The following TBC1D4 variants were observed in gnomAD, a reference collection of about 807,000 sequenced individuals.
TBC1D4 encodes TBC (Tre-2, BUB2, CDC16) domain-containing protein.
TBC1D4 carries 121 observed loss-of-function variants against 142.5 expected under a neutral mutation model. The ratio of observed to expected loss-of-function variants is 0.85; its 90% CI spans 0.73 to 0.99. TBC1D4 has a LOEUF of 0.99. Ranked by LOEUF, TBC1D4 falls within the 50% of genes least tolerant of loss-of-function variation. The probability of loss-of-function intolerance (pLI) is 0.00; values close to 1 mark genes in which losing one functional copy is unlikely to be tolerated. For synonymous variants in TBC1D4, 630 were observed against 628.2 expected, an observed-to-expected ratio of 1.00 and a Z score of -0.04; for missense variants, 1,475 against 1,606.6, an observed-to-expected ratio of 0.92 and a Z score of 1.40.
intron 5 of TBC1D4, among the ~76,000 whole-genome samples, chr13:75,344,936 T>C (rs964674139): frequency 5.3e-5 from 8 of 152,214 alleles, no homozygotes; most frequent in South Asian, 2.1e-4. Context: ...TGATCCTTCT[T>C]CCAGCTTTGT....
At chr13:75,298,711 C>G (rs1212612183) in intron 17 of TBC1D4, among the ~76,000 whole-genome samples, 1 of 152,114 alleles carries the variant, frequency 6.6e-6, no homozygotes, top group Non-Finnish European at 1.5e-5. Flanking sequence ...CGAGATCGTG[C>G]CACTGCACTC....
At position 75,294,987 on chromosome 13, in the gene TBC1D4, G is replaced by A. The variant is rs1875751555; in HGVS notation, c.3183C>T (p.Leu1061=). ...LQIQMYQLSR[L]LHDYHRDLYN... Reference sequence around the variant, plus strand: ...AGAGATCTCTGTGATAGTCATGAAGGAGCCTGGACAGCTGGTACATTTGAA... The same window carrying A: ...AGAGATCTCTGTGATAGTCATGAAGAAGCCTGGACAGCTGGTACATTTGAA... The change falls in exon 18 of 21, where the codon CTC becomes CTT. Residue 1061 remains leucine, a synonymous_variant. Coordinates refer to ENST00000377636, the MANE Select transcript of TBC1D4 (RefSeq NM_014832.5). The A allele has an allele frequency of 1.9e-6, 3 of 1,613,672 alleles. No homozygotes were observed. The highest frequency in any genetic ancestry group is 1.7e-5 in the Admixed American group (1 of 59,976).
chr13:75,478,247 G>A (rs1257890841), intron 1 of TBC1D4, among the ~76,000 whole-genome samples: 2 of 152,142 alleles, frequency 1.3e-5, no homozygotes, highest in Admixed American at 1.3e-4. Flanking sequence ...TTGCCATGGT[G>A]ACCATATATC....
In TBC1D4 at chr13:75,382,954, T is replaced by C. The variant is rs9593068; in HGVS notation, c.499-20347A>G. Among the ~76,000 whole-genome samples the C allele has an allele frequency of 3.6e-3, 549 of 152,358 alleles. 8 individuals carry two copies. The highest frequency in any genetic ancestry group is 0.011 in the African/African-American group (474 of 41,578). On this transcript the variant is annotated intron_variant, in intron 1 of 20. Coordinates refer to ENST00000377636, the MANE Select transcript of TBC1D4 (RefSeq NM_014832.5). ...ACATGAACCTCACATTATATTTTAA[T>C]TGGACAGCACTGCATTAGAATTCTA...
chr13:75,283,863 A>T lies in TBC1D4; in HGVS notation c.*2929T>A, dbSNP rs1874470063. ...ATTTGTGTAGCAATTTTAAGTAGGT[A>T]CAATCCAAACCATGCAGATCTTTTT... On this transcript the variant is annotated 3_prime_UTR_variant, in exon 21 of 21. Transcript: ENST00000377636. 2.0e-5 allele frequency among the ~76,000 whole-genome samples: 3 copies of T among 152,168 alleles called. No homozygotes were observed. The highest frequency in any genetic ancestry group is 7.2e-5 in the African/African-American group (3 of 41,454).
At chr13:75,447,785 G>A (rs1002928784) in intron 1 of TBC1D4, among the ~76,000 whole-genome samples, 4 of 151,912 alleles carry the variant, frequency 2.6e-5, no homozygotes, top group African/African-American at 7.3e-5. Flanking sequence ...TCTCATAGCA[G>A]CAAGAACCCT....
chr13:75,309,996 T>C lies in TBC1D4; in HGVS notation c.2539A>G (p.Ile847Val), dbSNP rs778677297. 35 of 1,614,186 alleles carry C rather than the reference T, an allele frequency of 2.2e-5. No individual in the cohort carries two copies. The highest frequency in any genetic ancestry group is 1.4e-4 in the South Asian group (13 of 91,084). ...CGAAGTAACAAGATTTGTTGGTGTA[T>C]AGCTTTTCTCCACAAGCTCCTCAGT... ...KELRSLWRKA[I>V]HQQILLLRME... Residue 847 changes from isoleucine to valine, a missense_variant, in exon 14 of 21, where the codon ATA becomes GTA. This residue lies in a region of TBC1D4 where 1,227 missense variants were observed against 1,267.7 expected (regional missense o/e 0.97). Coordinates refer to ENST00000377636, the MANE Select transcript of TBC1D4 (RefSeq NM_014832.5).
intron 12 of TBC1D4, among the ~76,000 whole-genome samples, chr13:75,318,479 C>G (rs1175419968): frequency 6.6e-6 from 1 of 152,082 alleles, no homozygotes; most frequent in Non-Finnish European, 1.5e-5. Flanking sequence ...ACTATTGAAC[C>G]GAAAGCTGAA....
intron 8 of TBC1D4, among the ~76,000 whole-genome samples, chr13:75,333,809 A>G (rs950270388): frequency 2.0e-5 from 3 of 152,210 alleles, no homozygotes; most frequent in African/African-American, 4.8e-5. Flanking sequence ...AGGGTCCTTC[A>G]GTCTGGAGTT....
intron 3 of TBC1D4, among the ~76,000 whole-genome samples, chr13:75,359,424 C>T (rs1295909240): frequency 6.6e-6 from 1 of 152,156 alleles, no homozygotes; most frequent in African/African-American, 2.4e-5. Flanking sequence ...CCCACAAGTC[C>T]CACAGGCCAA....
At chr13:75,391,761 C>T (rs1884506437) in intron 1 of TBC1D4, among the ~76,000 whole-genome samples, 1 of 152,176 alleles carries the variant, frequency 6.6e-6, no homozygotes, top group Admixed American at 6.5e-5. Context: ...TGCCCTACTC[C>T]CTCTCTGAGC....
chr13:75,305,122 G>A (rs537775399), intron 15 of TBC1D4, among the ~76,000 whole-genome samples: 1 of 152,126 alleles, frequency 6.6e-6, no homozygotes, highest in Non-Finnish European at 1.5e-5. Context: ...GCTTGTTAAG[G>A]AGAAACCCCT....
At chr13:75,401,335 T>G (rs954348028) in intron 1 of TBC1D4, among the ~76,000 whole-genome samples, 1 of 152,176 alleles carries the variant, frequency 6.6e-6, no homozygotes, top group Non-Finnish European at 1.5e-5. Context: ...GATTGCACAG[T>G]GGTGGTGAAT....
intron 1 of TBC1D4, among the ~76,000 whole-genome samples, chr13:75,392,871 C>T (rs1313421690): frequency 1.3e-5 from 2 of 152,066 alleles, no homozygotes; most frequent in Admixed American, 1.3e-4. Context: ...AACTCCTAGC[C>T]TTAAGTGATC....
chr13:75,362,014 G>A lies in TBC1D4; in HGVS notation c.1080+12C>T. On this transcript the variant is annotated intron_variant, in intron 2 of 20. Transcript: ENST00000377636. The surrounding 1 kb of genome is among the most constrained non-coding windows in gnomAD (Gnocchi z 4.2). Reference sequence around the variant, plus strand: ...TTTGGGGCAAGGGCAGACAGCGTCCGATCAGGTGTACCTGGAAGAGCATGG... The same window carrying A: ...TTTGGGGCAAGGGCAGACAGCGTCCAATCAGGTGTACCTGGAAGAGCATGG... 3.1e-6 allele frequency: 5 copies of A among 1,614,052 alleles called. No individual in the cohort carries two copies. Among genetic ancestry groups the A allele is most frequent in the Non-Finnish European group, 4.2e-6 (5 of 1,179,984 alleles).
intron 1 of TBC1D4, among the ~76,000 whole-genome samples, chr13:75,368,990 G>A (rs1479720293): frequency 6.6e-6 from 1 of 151,788 alleles, no homozygotes; most frequent in Non-Finnish European, 1.5e-5. Context: ...GTTGCAGTGA[G>A]CAGAGATTGC....
intron 1 of TBC1D4, among the ~76,000 whole-genome samples, chr13:75,473,692 T>C (rs1417136046): frequency 1.3e-5 from 2 of 152,186 alleles, no homozygotes; most frequent in African/African-American, 4.8e-5. Context: ...GAAGTGAAAC[T>C]TGGAAGAGAT....
In TBC1D4 at chr13:75,367,376, G is replaced by A. The variant is rs529014081; in HGVS notation, c.499-4769C>T. Among the ~76,000 whole-genome samples, 5 of 152,058 alleles carry A rather than the reference G, an allele frequency of 3.3e-5. No individual in the cohort carries two copies. In the South Asian group the frequency reaches 6.2e-4, roughly 19 times the overall value. Reference sequence around the variant, plus strand: ...ATAAATGTTTAAAAATAGATATGACGGATATCAGCGTGAGAATAAGCTTCC... The same window carrying A: ...ATAAATGTTTAAAAATAGATATGACAGATATCAGCGTGAGAATAAGCTTCC... On this transcript the variant is annotated intron_variant, in intron 1 of 20. Transcript: ENST00000377636.
intron 19 of TBC1D4, among the ~76,000 whole-genome samples, chr13:75,291,428 G>A (rs1011193547): frequency 2.0e-5 from 3 of 152,290 alleles, no homozygotes; most frequent in African/African-American, 7.2e-5. Flanking sequence ...GCTTCCCTAT[G>A]TTACTAGTTC....
Sources: gnomAD v4.1 joint callset for allele counts (sites outside exome capture counted in the v4.1 genomes callset) on GRCh38, gnomAD v4.1.1 for gene constraint, gnomAD v4.1.1 regional missense constraint, Gnocchi (gnomAD v3.1) non-coding constraint, MANE v1.5 for transcripts, NCBI Gene and HGNC (gene_info 2026-07-23, HGNC 2026-07-21) for gene names.